DTNBP1: variants seen among roughly 807,000 people sequenced by gnomAD.
DTNBP1 encodes the protein dysbindin.
DTNBP1 carries 35 observed loss-of-function variants against 42.8 expected under a neutral mutation model. The ratio of observed to expected loss-of-function variants is 0.82; its 90% CI spans 0.63 to 1.09. The LOEUF is 1.09. Among genes scored for constraint, DTNBP1 ranks in the 50% least tolerant of loss-of-function variants. DTNBP1 has a pLI of 0.00. For missense variants in DTNBP1, 457 were observed against 424.2 expected, an observed-to-expected ratio of 1.08 and a Z score of -0.68; for synonymous variants, 171 against 162.2, an observed-to-expected ratio of 1.05 and a Z score of -0.41.
chr6:15,628,572 A>AT, intron 4 of DTNBP1, among the ~76,000 whole-genome samples: 1 of 151,616 alleles, frequency 6.6e-6, no homozygotes, highest in South Asian at 2.1e-4. Flanking sequence ...CACCCGGCTA[A>AT]TTTTTTGTAT....
intron 8 of DTNBP1, among the ~76,000 whole-genome samples, chr6:15,526,976 T>G (rs1406937392): frequency 1.3e-5 from 2 of 152,172 alleles, no homozygotes; most frequent in African/African-American, 2.4e-5. Flanking sequence ...AAATAAAATC[T>G]AGCTACCTTC....
At chr6:15,625,577 C>T (rs2743868) in intron 5 of DTNBP1, among the ~76,000 whole-genome samples, 84,278 of 152,000 alleles carry the variant, frequency 0.55, 24,188 homozygotes, top group African/African-American at 0.69. Flanking sequence ...TAATTGGGAA[C>T]GAACATACAA....
At chr6:15,625,717 G>C (rs1391848826) in intron 5 of DTNBP1, among the ~76,000 whole-genome samples, 1 of 152,172 alleles carries the variant, frequency 6.6e-6, no homozygotes, top group Admixed American at 6.5e-5. Context: ...TCCGTAAACA[G>C]ATTTACTCTC....
At chr6:15,584,717 T>C (rs1164456100) in intron 7 of DTNBP1, among the ~76,000 whole-genome samples, 1 of 147,374 alleles carries the variant, frequency 6.8e-6, no homozygotes, top group African/African-American at 2.5e-5. Context: ...TTTTTTTTTT[T>C]TTTTTTTTTT....
rs73724439 is a variant in DTNBP1 at position 15,570,211 on chromosome 6, C to T, written c.511+22848G>A. ...GACCATTTACCCACACTCATCAAAG[C>T]ACCTTTCCCAACACTCCCAAGAGGA... is the stretch of plus-strand genomic sequence containing the variant. On this transcript the variant is annotated intron_variant, in intron 7 of 9. Coordinates refer to ENST00000344537, the MANE Select transcript of DTNBP1 (RefSeq NM_032122.5). Among the ~76,000 whole-genome samples the T allele has an allele frequency of 1.6e-3, 237 of 151,998 alleles. 3 individuals carry two copies. The highest frequency in any genetic ancestry group is 5.6e-3 in the African/African-American group (232 of 41,468).
chr6:15,536,470 C>G (rs1362424852), intron 7 of DTNBP1, among the ~76,000 whole-genome samples: 1 of 152,228 alleles, frequency 6.6e-6, no homozygotes, highest in Non-Finnish European at 1.5e-5. Flanking sequence ...ACAGCTTGGG[C>G]TATTGCTTCA....
intron 5 of DTNBP1, among the ~76,000 whole-genome samples, chr6:15,627,060 C>CTTA (rs1272260850): frequency 6.6e-6 from 1 of 152,138 alleles, no homozygotes; most frequent in Non-Finnish European, 1.5e-5. Flanking sequence ...TGCTTTTAAA[C>CTTA]AGAGACCAAA....
At chr6:15,524,168 C>A (rs763134570) in intron 9 of DTNBP1, 2 of 1,436,696 alleles carry the variant, frequency 1.4e-6, no homozygotes, top group South Asian at 1.2e-5. Context: ...AAGAGTTTCC[C>A]GTGAGCCCCG....
chr6:15,637,447 T>C (rs1361049901), intron 4 of DTNBP1, among the ~76,000 whole-genome samples: 1 of 152,238 alleles, frequency 6.6e-6, no homozygotes, highest in Non-Finnish European at 1.5e-5. Flanking sequence ...ATAATTTACA[T>C]ATATTGCAAA....
Position 15,657,862 on chromosome 6 carries a change from T to C in DTNBP1, c.56+4952A>G, listed in dbSNP as rs148497463. Among the ~76,000 whole-genome samples, 101 of 152,342 alleles carry C rather than the reference T, an allele frequency of 6.6e-4. 1 individual carries two copies. In the East Asian group the frequency reaches 0.016, roughly 24 times the overall value. ...TCCAGCTTCATCTCCCAGGACTGCT[T>C]CCATCTCTGAAATGTGCTTATCCAA... On this transcript the variant is annotated intron_variant, in intron 1 of 9. Transcript: ENST00000344537.
chr6:15,662,883 G>A lies in DTNBP1; in HGVS notation c.-14C>T. 1.9e-6 allele frequency: 3 copies of A among 1,604,224 alleles called. No individual in the cohort carries two copies. The highest frequency in any genetic ancestry group is 8.5e-7 in the Non-Finnish European group (1 of 1,179,352). On this transcript the variant is annotated 5_prime_UTR_variant, in exon 1 of 10. Coordinates refer to ENST00000344537, the MANE Select transcript of DTNBP1 (RefSeq NM_032122.5). The stretch of plus-strand genomic sequence containing the variant: ...GGTCTCCAGCATTGCCGCCGCCGCC[G>A]GTCTCCTCTCCTCAGGCCTCGGGCT...
chr6:15,619,287 T>A (rs947247703), intron 5 of DTNBP1, among the ~76,000 whole-genome samples: 1 of 152,224 alleles, frequency 6.6e-6, no homozygotes, highest in African/African-American at 2.4e-5. Flanking sequence ...TATTACACAC[T>A]GTGTACATGT....
chr6:15,534,218 T>C (rs1436894467), intron 7 of DTNBP1, among the ~76,000 whole-genome samples: 4 of 152,188 alleles, frequency 2.6e-5, no homozygotes, highest in Non-Finnish European at 5.9e-5. Flanking sequence ...TTTTCAGTTT[T>C]ACAAGACGAA....
chr6:15,594,474 A>C (rs996878765), intron 6 of DTNBP1, among the ~76,000 whole-genome samples: 1 of 151,914 alleles, frequency 6.6e-6, no homozygotes, highest in African/African-American at 2.4e-5. Context: ...CAAAAAAAAA[A>C]AAAACGAAAC....
chr6:15,532,695 A>ATTTTTTTT (rs1561939702), intron 8 of DTNBP1, among the ~76,000 whole-genome samples: 6 of 93,208 alleles, frequency 6.4e-5, no homozygotes, highest in Admixed American at 2.6e-4. Context: ...TGTGTTTGTA[A>ATTTTTTTT]TCTTTTTTTT....
intron 8 of DTNBP1, among the ~76,000 whole-genome samples, chr6:15,532,963 T>C (rs1253591067): frequency 2.0e-5 from 3 of 152,106 alleles, no homozygotes; most frequent in African/African-American, 7.2e-5. Flanking sequence ...CCTGCCAAAG[T>C]GCTGGGATTA....
chr6:15,585,870 A>T (rs77451123), intron 7 of DTNBP1: 57,204 of 1,422,922 alleles, frequency 0.04, 1,350 homozygotes, highest in African/African-American at 0.073. Context: ...GAACAAAGGA[A>T]GTGAGGCTGA....
chr6:15,631,122 C>CA (rs757632227), intron 4 of DTNBP1, among the ~76,000 whole-genome samples: 20 of 152,274 alleles, frequency 1.3e-4, no homozygotes, highest in Admixed American at 8.5e-4. Flanking sequence ...CCACCAAAGA[C>CA]ACATGAGCGG....
intron 1 of DTNBP1, among the ~76,000 whole-genome samples, chr6:15,653,058 AAC>A (rs1373164938): frequency 6.6e-6 from 1 of 152,258 alleles, no homozygotes; most frequent in African/African-American, 2.4e-5. Context: ...ATCGATAGGT[AAC>A]AAAGATATCT....
Sources: gnomAD v4.1 joint callset for allele counts (sites outside exome capture counted in the v4.1 genomes callset) on GRCh38, gnomAD v4.1.1 for gene constraint, MANE v1.5 for transcripts, NCBI Gene and HGNC (gene_info 2026-07-23, HGNC 2026-07-21) for gene names.